DDR2: variants seen among roughly 807,000 people sequenced by gnomAD.
DDR2 encodes discoidin domain receptor tyrosine kinase 2, also known as discoidin domain-containing receptor 2.
In DDR2, 27 loss-of-function variants were observed where a neutral mutation model predicts 94.9. The ratio of observed to expected loss-of-function variants is 0.28; its 90% CI spans 0.21 to 0.39. DDR2 has a LOEUF of 0.39. Among genes scored for constraint, DDR2 ranks in the 10% least tolerant of loss-of-function variants. The probability of loss-of-function intolerance (pLI) is 1.00; values close to 1 mark genes in which losing one functional copy is unlikely to be tolerated. For synonymous variants in DDR2, 382 were observed against 377.2 expected (o/e 1.01, Z -0.15); for missense variants, 783 against 1,076.0 (o/e 0.73, Z 3.81).
intron 2 of DDR2, among the ~76,000 whole-genome samples, chr1:162,660,207 T>A (rs975564464): frequency 2.6e-5 from 4 of 152,148 alleles, no homozygotes; most frequent in Non-Finnish European, 5.9e-5. Context: ...AGACATTAAA[T>A]TTTTTTCACA....
At chr1:162,698,318 C>T (rs928903051) in intron 2 of DDR2, among the ~76,000 whole-genome samples, 3 of 152,174 alleles carry the variant, frequency 2.0e-5, no homozygotes, top group African/African-American at 4.8e-5. Flanking sequence ...GTCGGTTAGC[C>T]TCTTGCTGTA....
At chr1:162,780,040 T>A in intron 17 of DDR2, 72 bp from the exon 18 acceptor site, 1 of 1,605,012 alleles carries the variant, frequency 6.2e-7, no homozygotes, top group East Asian at 2.2e-5. Flanking sequence ...GCAAAGATAC[T>A]TCCCTTTCCC....
Position 162,783,946 on chromosome 1 carries a change from G to A in DDR2, c.*3700G>A, listed in dbSNP as rs1208300667. The A allele has an allele frequency of 6.6e-6, 1 of 152,208 alleles. No homozygotes were observed. Among genetic ancestry groups the A allele is most frequent in the Non-Finnish European group, 1.5e-5 (1 of 68,034 alleles). The allele number at this position is 152,208 out of a possible 1,614,324, so 9.4% of individuals were successfully genotyped here. A position where few individuals can be genotyped will look rare whatever the true frequency, so the allele number is the denominator to read the frequency against. On this transcript the variant is annotated 3_prime_UTR_variant, in exon 18 of 18. Coordinates refer to ENST00000367921, the MANE Select transcript of DDR2 (RefSeq NM_006182.4). ...ACCCAGAGATGCAGAGCTTATGGTA[G>A]TTCATAAATCTTCATGTTCTATTAT...
intron 2 of DDR2, among the ~76,000 whole-genome samples, chr1:162,691,910 G>A (rs1471155661): frequency 6.6e-6 from 1 of 152,226 alleles, no homozygotes; most frequent in Admixed American, 6.5e-5. Flanking sequence ...AGGGACACTG[G>A]TTCAATTCTG....
chr1:162,771,451 G>A (rs781058893), intron 12 of DDR2, among the ~76,000 whole-genome samples: 10 of 152,268 alleles, frequency 6.6e-5, no homozygotes, highest in South Asian at 4.2e-4. Context: ...ACATGAAAGA[G>A]CATGCTAAAT....
Position 162,780,275 on chromosome 1 carries a change from G to T in DDR2, c.*29G>T, listed in dbSNP as rs369559255. ...TGTCAGTGCCTGGCCATGTTCCTAC[G>T]GCTCAGGTCCTCCCTACAAGACCTA... On this transcript the variant is annotated 3_prime_UTR_variant, in exon 18 of 18. Transcript: ENST00000367921. The T allele has an allele frequency of 2.5e-6, 4 of 1,613,256 alleles. No individual in the cohort carries two copies. In the African/African-American group the frequency reaches 4.0e-5, roughly 16 times the overall value.
intron 3 of DDR2, among the ~76,000 whole-genome samples, chr1:162,744,232 A>G (rs368326359): frequency 6.6e-6 from 1 of 152,210 alleles, no homozygotes; most frequent in East Asian, 1.9e-4. Flanking sequence ...TATAGGCACA[A>G]TGTTGTACAG....
chr1:162,696,592 C>G (rs1660204297), intron 2 of DDR2, among the ~76,000 whole-genome samples: 1 of 152,086 alleles, frequency 6.6e-6, no homozygotes, highest in South Asian at 2.1e-4. Flanking sequence ...TTGAAAAAAA[C>G]ACTGATTGGA....
chr1:162,674,731 C>A (rs761957040), intron 2 of DDR2, among the ~76,000 whole-genome samples: 5 of 152,212 alleles, frequency 3.3e-5, no homozygotes, highest in Non-Finnish European at 7.3e-5. Context: ...TAAAGATCAA[C>A]TGGTGCAGAG....
chr1:162,709,192 C>T (rs1272054299), intron 2 of DDR2, among the ~76,000 whole-genome samples: 3 of 152,136 alleles, frequency 2.0e-5, no homozygotes, highest in Non-Finnish European at 4.4e-5. Context: ...CAAGGTGACT[C>T]ATAAGGAGCA....
intron 1 of DDR2, among the ~76,000 whole-genome samples, chr1:162,637,983 T>C (rs1656920782): frequency 6.6e-6 from 1 of 152,190 alleles, no homozygotes; most frequent in African/African-American, 2.4e-5. Context: ...AAGAGCCCCA[T>C]CCTCTTTTTC....
chr1:162,652,036 A>G (rs2101903991), intron 1 of DDR2, among the ~76,000 whole-genome samples: 1 of 152,338 alleles, frequency 6.6e-6, no homozygotes, highest in East Asian at 1.9e-4. Flanking sequence ...GCATCATATG[A>G]TGATGTGGTT....
chr1:162,648,767 G>C (rs921224783), intron 1 of DDR2, among the ~76,000 whole-genome samples: 1 of 152,176 alleles, frequency 6.6e-6, no homozygotes, highest in African/African-American at 2.4e-5. Context: ...ACCACGAATG[G>C]TGGCAAAGGC....
chr1:162,743,021 T>G (rs1662686964), intron 3 of DDR2, among the ~76,000 whole-genome samples: 1 of 152,052 alleles, frequency 6.6e-6, no homozygotes, highest in African/African-American at 2.4e-5. Context: ...CAATTCAAGT[T>G]GAGACTTGGT....
chr1:162,718,803 T>A (rs1349625883), intron 2 of DDR2, among the ~76,000 whole-genome samples: 1 of 152,208 alleles, frequency 6.6e-6, no homozygotes, highest in Non-Finnish European at 1.5e-5. Context: ...CTTTTGCTAA[T>A]TTAAATTTCA....
At chr1:162,713,609 C>T (rs1284321612) in intron 2 of DDR2, among the ~76,000 whole-genome samples, 5 of 152,174 alleles carry the variant, frequency 3.3e-5, no homozygotes, top group Non-Finnish European at 5.9e-5. Context: ...TTTACATAAA[C>T]TTTGCAACCT....
At chr1:162,650,196 G>T (rs10917578) in intron 1 of DDR2, among the ~76,000 whole-genome samples, 139,222 of 152,196 alleles carry the variant, frequency 0.91, 64,262 homozygotes, top group Middle Eastern at 0.98. Context: ...AAATCAAGAT[G>T]TGTCTACCTG....
intron 3 of DDR2, among the ~76,000 whole-genome samples, chr1:162,749,517 G>A (rs1288443637): frequency 6.6e-6 from 1 of 152,100 alleles, no homozygotes; most frequent in Non-Finnish European, 1.5e-5. Flanking sequence ...ATAATTAATA[G>A]CCTACCAACC....
intron 3 of DDR2, among the ~76,000 whole-genome samples, chr1:162,747,100 CA>C (rs1216952540): frequency 6.6e-6 from 1 of 152,182 alleles, no homozygotes; most frequent in Non-Finnish European, 1.5e-5. Flanking sequence ...AAAATCAGAG[CA>C]CCTCTTCTCC....
Sources: allele counts gnomAD v4.1 joint callset (sites outside exome capture counted in the v4.1 genomes callset), GRCh38; gene constraint gnomAD v4.1.1; transcripts MANE v1.5; gene names NCBI Gene and HGNC (gene_info 2026-07-23, HGNC 2026-07-21).